TMTC3: variants seen among roughly 807,000 people sequenced by gnomAD.
TMTC3 encodes transmembrane O-mannosyltransferase targeting cadherins 3, also known as protein O-mannosyl-transferase TMTC3.
A neutral mutation model predicts 92.2 loss-of-function variants in TMTC3; 52 were observed. That is an observed-to-expected ratio of 0.56 (90% CI 0.45 to 0.71). TMTC3 has a LOEUF of 0.71. Ranked by LOEUF, TMTC3 falls within the 30% of genes least tolerant of loss-of-function variation. TMTC3 has a pLI of 0.00. For missense variants in TMTC3, 896 were observed against 1,057.1 expected (o/e 0.85, Z 2.11); for synonymous variants, 339 against 363.3 (o/e 0.93, Z 0.76).
In TMTC3 at chr12:88,190,534, G is replaced by C; in HGVS notation, c.1618G>C (p.Ala540Pro). 6.2e-7 allele frequency: 1 copy of C among 1,613,854 alleles called. No homozygotes were observed. Among genetic ancestry groups the C allele is most frequent in the Non-Finnish European group, 8.5e-7 (1 of 1,179,934 alleles). ...TATCAATCTGGCTAACCTGATCCGAGCAAATGAGTCCCGACTGGAAGAAGC... is the reference window on the plus strand; with the variant it reads ...TATCAATCTGGCTAACCTGATCCGACCAAATGAGTCCCGACTGGAAGAAGC... ...VYINLANLIR[A>P]NESRLEEADQ... is the part of the protein sequence containing the mutation. The change falls in exon 12 of 14, where the codon GCA becomes CCA. Residue 540 changes from alanine (A) to proline (P), a missense_variant. Coordinates refer to ENST00000266712, the MANE Select transcript of TMTC3 (RefSeq NM_181783.4).
At chr12:88,177,861 A>G (rs1393137330) in intron 10 of TMTC3, among the ~76,000 whole-genome samples, 1 of 152,236 alleles carries the variant, frequency 6.6e-6, no homozygotes, top group Non-Finnish European at 1.5e-5. Context: ...ATTTGGAAAA[A>G]AGGTCATCAA....
Position 88,196,345 on chromosome 12 carries a change from T to C in TMTC3, c.*696T>C, listed in dbSNP as rs1217045112. ...AATGGTGCTCATATATACTGTATTT[T>C]TTGTTGTTTAGTTTTACTTATTGAG... is the stretch of plus-strand genomic sequence containing the variant. On this transcript the variant is annotated 3_prime_UTR_variant, in exon 14 of 14. Coordinates refer to ENST00000266712, the MANE Select transcript of TMTC3 (RefSeq NM_181783.4). 1 of 152,440 alleles carries C rather than the reference T, an allele frequency of 6.6e-6. No homozygotes were observed. The highest frequency in any genetic ancestry group is 2.1e-4 in the South Asian group (1 of 4,828). 9.4% of individuals were successfully genotyped at this position (152,440 alleles called of 1,614,324 possible).
intron 6 of TMTC3, among the ~76,000 whole-genome samples, chr12:88,161,811 A>C (rs2041083118): frequency 6.6e-6 from 1 of 151,058 alleles, no homozygotes; most frequent in South Asian, 2.1e-4. Flanking sequence ...ATATAAAATA[A>C]AAATATCAGT....
intron 8 of TMTC3, 27 bp downstream of exon 8, chr12:88,172,772 T>C (rs762446461): frequency 5.3e-5 from 84 of 1,578,908 alleles, no homozygotes; most frequent in South Asian, 1.2e-5. Flanking sequence ...GTTCATGTAA[T>C]GCTTACTATG....
At chr12:88,176,143 T>A (rs1457031960) in intron 9 of TMTC3, 65 bp from the exon 10 acceptor site, 27 of 1,054,970 alleles carry the variant, frequency 2.6e-5, no homozygotes, top group Non-Finnish European at 3.6e-5. Context: ...ACCAAACAAA[T>A]ATCTGTATGA....
In TMTC3 at chr12:88,174,498, TATG is replaced by T. The variant is rs987823115; in HGVS notation, c.1200-106_1200-104del. The T allele has an allele frequency of 6.3e-5, 77 of 1,226,472 alleles. No homozygotes were observed. The African/African-American group carries it at 7.7e-4, about 12-fold the overall frequency. The allele number at this position is 1,226,472 out of a possible 1,614,324, so 76.0% of individuals were successfully genotyped here. A position where few individuals can be genotyped will look rare whatever the true frequency, so the allele number is the denominator to read the frequency against. On this transcript the variant is annotated intron_variant, in intron 8 of 13. Transcript: ENST00000266712. ...TAGAATGAATTAGAATAAATTAACA[TATG>T]ATATTTTAGGAGCATTTAAGATACT...
rs1194034619 is a variant in TMTC3 at position 88,142,323 on chromosome 12, CG to C, written c.-189del. The C allele has an allele frequency of 1.3e-5, 2 of 152,814 alleles. No individual in the cohort carries two copies. Among genetic ancestry groups the C allele is most frequent in the East Asian group, 1.9e-4 (1 of 5,180 alleles). The allele number at this position is 152,814 out of a possible 1,614,324, so 9.5% of individuals were successfully genotyped here. On this transcript the variant is annotated 5_prime_UTR_variant, in exon 1 of 14. Transcript: ENST00000266712. ...GCAACGCGTAAGACTGCGACGGTACCGGGGCGGCGGGGAAGGACCGAGAGGC... is the reference window on the plus strand; with the variant it reads ...GCAACGCGTAAGACTGCGACGGTACCGGGCGGCGGGGAAGGACCGAGAGGC...
At chr12:88,146,457 C>T (rs181775452) in intron 1 of TMTC3, among the ~76,000 whole-genome samples, 1 of 151,990 alleles carries the variant, frequency 6.6e-6, no homozygotes. Flanking sequence ...TAATAAGTAG[C>T]AGAGACTAGT....
chr12:88,188,345 G>C (rs1320434390), intron 10 of TMTC3, among the ~76,000 whole-genome samples: 1 of 152,080 alleles, frequency 6.6e-6, no homozygotes, highest in African/African-American at 2.4e-5. Context: ...TGTACCTTTT[G>C]AGTGAATTCC....
intron 1 of TMTC3, among the ~76,000 whole-genome samples, chr12:88,143,299 C>T (rs1195908960): frequency 2.0e-5 from 3 of 151,914 alleles, no homozygotes; most frequent in Non-Finnish European, 4.4e-5. Context: ...TAAAAAGATA[C>T]TGATTTTGTG....
intron 10 of TMTC3, 143 bp from the exon 11 acceptor site, chr12:88,188,700 A>G (rs1256386850): frequency 2.1e-6 from 1 of 480,478 alleles, no homozygotes; most frequent in East Asian, 3.6e-5. Context: ...ATTTTTGCCT[A>G]GTGTGTTTGT....
chr12:88,157,613 C>G (rs552357450), intron 4 of TMTC3, among the ~76,000 whole-genome samples: 1 of 152,022 alleles, frequency 6.6e-6, no homozygotes, highest in African/African-American at 2.4e-5. Flanking sequence ...TTACTTGTCT[C>G]TCTTCCCTAT....
chr12:88,156,080 A>G (rs2041006242), intron 4 of TMTC3, among the ~76,000 whole-genome samples: 2 of 152,198 alleles, frequency 1.3e-5, no homozygotes, highest in Non-Finnish European at 1.5e-5. Context: ...ACCGCACTCC[A>G]GCCTGGGAGA....
In TMTC3 at chr12:88,188,964, A is replaced by G. The variant is rs1380263535; in HGVS notation, c.1536+18A>G. The G allele has an allele frequency of 7.2e-7, 1 of 1,380,106 alleles. No homozygotes were observed. The highest frequency in any genetic ancestry group is 1.2e-5 in the South Asian group (1 of 82,392). 85.5% of individuals were successfully genotyped at this position (1,380,106 alleles called of 1,614,324 possible). Reference sequence around the variant, plus strand: ...TGCCTCAAGTAAGTTGCCATAATTTATCTATTGTGTCATATCTATTAGATG... The same window carrying G: ...TGCCTCAAGTAAGTTGCCATAATTTGTCTATTGTGTCATATCTATTAGATG... On this transcript the variant is annotated intron_variant, in intron 11 of 13. Transcript: ENST00000266712.
In TMTC3 at chr12:88,177,478, G is replaced by A. The variant is rs183386531; in HGVS notation, c.1432+1159G>A. Reference sequence around the variant, plus strand: ...AGGGTTTAAGGAGTGAATAAATGATGAGCCACAGAATCTAAGCTGGTTAAG... The same window carrying A: ...AGGGTTTAAGGAGTGAATAAATGATAAGCCACAGAATCTAAGCTGGTTAAG... On this transcript the variant is annotated intron_variant, in intron 10 of 13. Coordinates refer to ENST00000266712, the MANE Select transcript of TMTC3 (RefSeq NM_181783.4). Among the ~76,000 whole-genome samples the A allele has an allele frequency of 4.9e-3, 739 of 152,276 alleles. 5 individuals are homozygous for A. Among genetic ancestry groups the A allele is most frequent in the Non-Finnish European group, 5.9e-3 (398 of 68,026 alleles).
In TMTC3 at chr12:88,190,547, G is replaced by A. The variant is rs780431621; in HGVS notation, c.1631G>A (p.Arg544Gln). The change falls in exon 12 of 14, where the codon CGA becomes CAA. Residue 544 changes from arginine (R) to glutamine (Q), a missense_variant. Arg to Gln is a conservative substitution (Grantham distance 43, BLOSUM62 1). Transcript: ENST00000266712. The part of the protein sequence containing the change: ...LANLIRANES[R>Q]LEEADQLYRQ... Reference sequence around the variant, plus strand: ...AACCTGATCCGAGCAAATGAGTCCCGACTGGAAGAAGCAGATCAGCTGTAC... The same window carrying A: ...AACCTGATCCGAGCAAATGAGTCCCAACTGGAAGAAGCAGATCAGCTGTAC... 4 of 1,613,782 alleles carry A rather than the reference G, an allele frequency of 2.5e-6. No homozygotes were observed. Among genetic ancestry groups the A allele is most frequent in the Non-Finnish European group, 2.5e-6 (3 of 1,179,916 alleles).
At position 88,160,758 on chromosome 12, in the gene TMTC3, C is replaced by T; in HGVS notation, c.704C>T (p.Thr235Ile). 6.2e-7 allele frequency: 1 copy of T among 1,613,596 alleles called. No homozygotes were observed. The highest frequency in any genetic ancestry group is 1.1e-5 in the South Asian group (1 of 91,044). Residue 235 changes from threonine to isoleucine, a missense_variant, in exon 6 of 14, where the codon ACA (threonine) becomes ATA (isoleucine). Coordinates refer to ENST00000266712, the MANE Select transcript of TMTC3 (RefSeq NM_181783.4). Reference protein sequence around the residue: ...KGSIPFSMLQTLVKLIVLMFS... With the variant: ...KGSIPFSMLQILVKLIVLMFS... Reference sequence around the variant, plus strand: ...AGCATTCCATTTTCTATGCTGCAGACACTAGTAAAACTCATTGTCTTGATG... The same window carrying T: ...AGCATTCCATTTTCTATGCTGCAGATACTAGTAAAACTCATTGTCTTGATG...
rs1046573241 is a variant in TMTC3, at chr12:88,153,818, T to A, written c.408+309T>A. On this transcript the variant is annotated intron_variant, in intron 3 of 13. Coordinates refer to ENST00000266712, the MANE Select transcript of TMTC3 (RefSeq NM_181783.4). ...GGTCACTTTTTTTAATGAACAAGAT[T>A]TCTAAGGACTATTTAAAGTTTATTG... 8.5e-5 allele frequency among the ~76,000 whole-genome samples: 13 copies of A among 152,210 alleles called. No individual in the cohort carries two copies. The South Asian group carries it at 1.4e-3, about 17-fold the overall frequency.
Position 88,164,189 on chromosome 12 carries a change from CAAAAAAAAAAAAAAAAAA to C in TMTC3, c.798-2136_798-2119del, listed in dbSNP as rs1008391943. 8.2e-5 allele frequency among the ~76,000 whole-genome samples: 4 copies of C among 48,826 alleles called. No homozygotes were observed. The East Asian group carries it at 2.6e-3, about 32-fold the overall frequency. 32.0% of individuals were successfully genotyped at this position (48,826 alleles called of 152,430 possible). ...TGGGTGACAAAGCAAGACTTTGTCT[CAAAAAAAAAAAAAAAAAA>C]AAAAGAACTCATCAATATTGAAAAC... On this transcript the variant is annotated intron_variant, in intron 6 of 13. Coordinates refer to ENST00000266712, the MANE Select transcript of TMTC3 (RefSeq NM_181783.4).
Sources: allele counts gnomAD v4.1 joint callset (sites outside exome capture counted in the v4.1 genomes callset), GRCh38; gene constraint gnomAD v4.1.1; transcripts MANE v1.5; gene names NCBI Gene and HGNC (gene_info 2026-07-23, HGNC 2026-07-21).